Variants in STPG2 observed in about 807,000 individuals in gnomAD.
STPG2 encodes sperm-tail PG-rich repeat-containing protein 2.
Under a neutral mutation model 54.2 loss-of-function variants are expected in STPG2, and 56 were observed. That is an observed-to-expected ratio of 1.03 (90% CI 0.83 to 1.29). STPG2 has a LOEUF of 1.29. Ranked by LOEUF, STPG2 falls within the 50% of genes most tolerant of loss-of-function variation. The pLI, the probability that STPG2 is intolerant of heterozygous loss-of-function variation, is 0.00. For synonymous variants in STPG2, 200 were observed against 181.8 expected (o/e 1.10, Z -0.81); for missense variants, 596 against 544.9 (o/e 1.09, Z -0.93).
At chr4:97,473,130 C>A (rs1729980926) in intron 4 of STPG2, among the ~76,000 whole-genome samples, 1 of 152,014 alleles carries the variant, frequency 6.6e-6, no homozygotes. Context: ...GCGTTAACTG[C>A]ACAAATTGTA....
At chr4:97,517,943 T>C (rs1731108484) in intron 4 of STPG2, among the ~76,000 whole-genome samples, 1 of 152,170 alleles carries the variant, frequency 6.6e-6, no homozygotes, top group South Asian at 2.1e-4. Flanking sequence ...TGCTCACTTA[T>C]TCAAATAGCT....
intron 10 of STPG2, among the ~76,000 whole-genome samples, chr4:97,683,955 T>C (rs558390348): frequency 2.0e-5 from 3 of 151,972 alleles, no homozygotes; most frequent in East Asian, 3.9e-4. Context: ...TGCTTTCCTA[T>C]ATAACAGCAA....
At chr4:97,897,654 T>A (rs1731010175) in intron 8 of STPG2, among the ~76,000 whole-genome samples, 1 of 151,986 alleles carries the variant, frequency 6.6e-6, no homozygotes, top group South Asian at 2.1e-4. Flanking sequence ...TCTCTAATGA[T>A]CACTGATGTT....
At chr4:97,870,596 G>A (rs1278114241) in intron 8 of STPG2, among the ~76,000 whole-genome samples, 1 of 151,172 alleles carries the variant, frequency 6.6e-6, no homozygotes, top group African/African-American at 2.4e-5. Context: ...CATTTTCTGG[G>A]CTAAAAGGCA....
intron 3 of STPG2, among the ~76,000 whole-genome samples, chr4:98,120,170 T>A (rs1739638517): frequency 6.6e-6 from 1 of 152,114 alleles, no homozygotes. Context: ...AACCTCTACC[T>A]CCCAGGTTCA....
intron 5 of STPG2, among the ~76,000 whole-genome samples, chr4:97,993,646 T>A (rs555060441): frequency 6.6e-5 from 10 of 152,218 alleles, no homozygotes; most frequent in Admixed American, 2.0e-4. Flanking sequence ...TGTGGGATAG[T>A]ATCAATAGGA....
At chr4:97,642,660 C>T (rs1369335730) in intron 10 of STPG2, among the ~76,000 whole-genome samples, 1 of 151,308 alleles carries the variant, frequency 6.6e-6, no homozygotes, top group African/African-American at 2.4e-5. Flanking sequence ...CTGAATGTAA[C>T]ATAATTATTT....
chr4:97,823,983 C>G (rs6532701), intron 9 of STPG2, among the ~76,000 whole-genome samples: 1 of 151,866 alleles, frequency 6.6e-6, no homozygotes, highest in Non-Finnish European at 1.5e-5. Flanking sequence ...TCCCTCTTGG[C>G]TAACAACAGG....
At chr4:97,716,811 C>T (rs566398602) in intron 9 of STPG2, among the ~76,000 whole-genome samples, 3 of 151,598 alleles carry the variant, frequency 2.0e-5, no homozygotes, top group African/African-American at 4.8e-5. Context: ...CCTATGGCCA[C>T]GTGCCATGGT....
intron 5 of STPG2, 86 bp from the exon 6 acceptor site, chr4:97,981,404 T>C (rs1470190188): frequency 7.5e-6 from 10 of 1,330,134 alleles, no homozygotes; most frequent in Non-Finnish European, 1.0e-5. Context: ...TTGAGTAATA[T>C]AACATCTGGA....
chr4:97,605,941 T>C (rs939340757), intron 10 of STPG2, among the ~76,000 whole-genome samples: 3 of 151,870 alleles, frequency 2.0e-5, no homozygotes, highest in Admixed American at 6.6e-5. Flanking sequence ...GCAATTTAAT[T>C]GCTGTGAGTT....
chr4:97,677,696 T>G (rs1722892488), intron 10 of STPG2, among the ~76,000 whole-genome samples: 1 of 152,212 alleles, frequency 6.6e-6, no homozygotes, highest in African/African-American at 2.4e-5. Context: ...AACTTAGATG[T>G]TATGTCGAGA....
intron 4 of STPG2, among the ~76,000 whole-genome samples, chr4:97,510,685 G>A (rs1222085985): frequency 6.6e-6 from 1 of 152,074 alleles, no homozygotes; most frequent in Non-Finnish European, 1.5e-5. Flanking sequence ...ATTCTCACAA[G>A]GAGCACACAA....
intron 5 of STPG2, among the ~76,000 whole-genome samples, chr4:97,996,783 C>G (rs950639694): frequency 6.6e-6 from 1 of 151,988 alleles, no homozygotes; most frequent in African/African-American, 2.4e-5. Context: ...AGGCAATGAA[C>G]AGACATTTTG....
intron 10 of STPG2, among the ~76,000 whole-genome samples, chr4:97,702,417 T>G (rs1337507259): frequency 3.9e-5 from 6 of 152,180 alleles, no homozygotes; most frequent in Non-Finnish European, 8.8e-5. Context: ...TTTTTTCAAG[T>G]GTAACACACC....
intron 4 of STPG2, among the ~76,000 whole-genome samples, chr4:98,108,904 T>G (rs574144360): frequency 2.6e-4 from 39 of 151,952 alleles, no homozygotes; most frequent in Non-Finnish European, 4.9e-4. Flanking sequence ...AGGGGAGAGA[T>G]AGCATTAGGA....
At chr4:97,916,095 TG>T (rs1298223201) in intron 8 of STPG2, among the ~76,000 whole-genome samples, 1 of 152,170 alleles carries the variant, frequency 6.6e-6, no homozygotes, top group African/African-American at 2.4e-5. Flanking sequence ...CTGATTTGCC[TG>T]GGATATGTTT....
At chr4:97,770,617 G>A (rs1263834869) in intron 9 of STPG2, among the ~76,000 whole-genome samples, 1 of 152,202 alleles carries the variant, frequency 6.6e-6, no homozygotes, top group Non-Finnish European at 1.5e-5. Context: ...ATACTGGTTA[G>A]CTTGCAGAAA....
intron 10 of STPG2, among the ~76,000 whole-genome samples, chr4:97,651,975 T>A (rs1289648265): frequency 6.6e-6 from 1 of 151,952 alleles, no homozygotes; most frequent in East Asian, 1.9e-4. Context: ...ATAGTTATGC[T>A]AAAAATATCT....
Sources: gnomAD v4.1 joint callset for allele counts (sites outside exome capture counted in the v4.1 genomes callset) on GRCh38, gnomAD v4.1.1 for gene constraint, MANE v1.5 for transcripts, NCBI Gene and HGNC (gene_info 2026-07-23, HGNC 2026-07-21) for gene names.